Variants in PLEKHG6 observed in about 807,000 individuals in gnomAD.
The protein encoded by PLEKHG6 is pleckstrin homology and RhoGEF domain containing G6.
Under a neutral mutation model 97.5 loss-of-function variants are expected in PLEKHG6, and 91 were observed. The observed-to-expected ratio is 0.93, with a 90% CI of 0.79 to 1.11. The LOEUF (loss-of-function observed/expected upper bound fraction) is 1.11, where lower values mean the gene tolerates loss of function less well. PLEKHG6 is among the 50% of genes most tolerant of loss of function. The pLI, the probability that PLEKHG6 is intolerant of heterozygous loss-of-function variation, is 0.00. For missense variants in PLEKHG6, 1,044 were observed against 1,031.0 expected, an observed-to-expected ratio of 1.01 and a Z score of -0.17; for synonymous variants, 466 against 425.5, an observed-to-expected ratio of 1.10 and a Z score of -1.17.
rs748474677 is a variant in PLEKHG6, at chr12:6,316,412, C to T, written c.756+8C>T. ...CAAAGTGGCTTCCTGACGGTGAGGC[C>T]TGTGAAGGGCTGTGTCTGGATGGGG... is the stretch of plus-strand genomic sequence containing the variant. On this transcript the variant is annotated splice_region_variant and intron_variant, in intron 7 of 15. Transcript: ENST00000684764. The surrounding 1 kb of genome is among the most constrained non-coding windows in gnomAD (Gnocchi z 4.1). 2.3e-5 allele frequency: 36 copies of T among 1,563,062 alleles called. No individual in the cohort carries two copies. The highest frequency in any genetic ancestry group is 3.0e-5 in the Non-Finnish European group (35 of 1,153,008).
intron 11 of PLEKHG6, 126 bp from the exon 12 acceptor site, chr12:6,318,619 A>T: frequency 8.2e-7 from 1 of 1,218,952 alleles, no homozygotes; most frequent in South Asian, 1.4e-5. Context: ...GCCCCTGGCC[A>T]CTCCCGCATT....
Position 6,327,479 on chromosome 12 carries a change from T to TGGCCCCCCCCCCCCCC in PLEKHG6, c.1896_1897insGGCCCCCCCCCCCCCC (p.Pro633GlyfsTer42). The TGGCCCCCCCCCCCCCC allele has an allele frequency of 1.2e-6, 2 of 1,603,264 alleles. No homozygotes were observed. The highest frequency in any genetic ancestry group is 1.7e-6 in the Non-Finnish European group (2 of 1,171,714). Reference sequence around the variant, plus strand: ...TGGAACTCCGGGACATCCCTCTGCGTCCCCACCCTCCCGACCCCCAAGCTC... The same window carrying TGGCCCCCCCCCCCCCC: ...TGGAACTCCGGGACATCCCTCTGCGTGGCCCCCCCCCCCCCCCCCCACCCTCCCGACCCCCAAGCTC... On this transcript the variant is annotated frameshift_variant, in exon 15 of 16. Transcript: ENST00000684764. LOFTEE classifies it high-confidence loss of function.
In PLEKHG6 at chr12:6,319,077, C is replaced by T. The variant is rs61753335; in HGVS notation, c.1493C>T (p.Ala498Val). Residue 498 changes from alanine to valine, a missense_variant, in exon 13 of 16, where the codon GCC becomes GTC. Physicochemically the swap from Ala to Val is moderately conservative, Grantham distance 64 (BLOSUM62 0). Transcript: ENST00000684764. ...CACTGTCCCAGTCCTACAGACCGTGCCCAGTGGCTGGAGAAGACCCAGCAG... is the reference window on the plus strand; with the variant it reads ...CACTGTCCCAGTCCTACAGACCGTGTCCAGTGGCTGGAGAAGACCCAGCAG... ...LVHCPSPTDR[A>V]QWLEKTQQAQ... 34 of 1,608,820 alleles carry T rather than the reference C, an allele frequency of 2.1e-5. No individual in the cohort carries two copies. Among genetic ancestry groups the T allele is most frequent in the Non-Finnish European group, 2.8e-5 (33 of 1,175,952 alleles).
rs768638784 is a variant in PLEKHG6 at position 6,312,253 on chromosome 12, G to T, written c.27G>T (p.Glu9Asp). 6.5e-7 allele frequency: 1 copy of T among 1,536,208 alleles called. No homozygotes were observed. The highest frequency in any genetic ancestry group is 8.7e-7 in the Non-Finnish European group (1 of 1,148,624). MKAFGPPH[E>D]GPLQGLVASR... is the part of the protein sequence containing the mutation. ...TGAAGGCCTTTGGTCCTCCACATGAGGGCCCCCTCCAAGGACTCGTGGCCT... is the reference window on the plus strand; with the variant it reads ...TGAAGGCCTTTGGTCCTCCACATGATGGCCCCCTCCAAGGACTCGTGGCCT... The change falls in exon 2 of 16, where the codon GAG becomes GAT. Residue 9 changes from glutamate (E) to aspartate (D), a missense_variant. Glu to Asp is a conservative substitution (Grantham distance 45). Coordinates refer to ENST00000684764, the MANE Select transcript of PLEKHG6 (RefSeq NM_001384598.1).
Position 6,315,661 on chromosome 12 carries a change from T to C in PLEKHG6, c.555+12T>C. ...AGATCATGACTGATGTGAGCCCCCC[T>C]CAGCCCCAGCCCCGGCCCCATCTTC... On this transcript the variant is annotated intron_variant, in intron 5 of 15. Transcript: ENST00000684764. The surrounding 1 kb of genome is among the most constrained non-coding windows in gnomAD (Gnocchi z 4.5). The C allele has an allele frequency of 6.5e-7, 1 of 1,536,214 alleles. No homozygotes were observed. Among genetic ancestry groups the C allele is most frequent in the Non-Finnish European group, 8.9e-7 (1 of 1,119,028 alleles).
intron 11 of PLEKHG6, 117 bp from the exon 12 acceptor site, chr12:6,318,628 T>G: frequency 7.9e-7 from 1 of 1,268,222 alleles, no homozygotes; most frequent in Non-Finnish European, 1.1e-6. Context: ...CACTCCCGCA[T>G]TTGGGCTCTG....
At chr12:6,312,619 C>T (rs1947313704) in intron 2 of PLEKHG6, 2 of 1,295,234 alleles carry the variant, frequency 1.5e-6, no homozygotes, top group Admixed American at 4.0e-5. Flanking sequence ...TGCTGTTAGA[C>T]AGGTCTCAGA....
Position 6,313,626 on chromosome 12 carries a change from C to T in PLEKHG6, c.139-3C>T. On this transcript the variant is annotated splice_polypyrimidine_tract_variant and splice_region_variant and intron_variant, in intron 2 of 15. Coordinates refer to ENST00000684764, the MANE Select transcript of PLEKHG6 (RefSeq NM_001384598.1). Reference sequence around the variant, plus strand: ...CCCAGAACTTCCCCTGCTCCTCTCCCAGGATCCCAGTCGCCGACGCCTCCA... The same window carrying T: ...CCCAGAACTTCCCCTGCTCCTCTCCTAGGATCCCAGTCGCCGACGCCTCCA... The T allele has an allele frequency of 1.2e-6, 2 of 1,614,016 alleles. No individual in the cohort carries two copies. Among genetic ancestry groups the T allele is most frequent in the Non-Finnish European group, 1.7e-6 (2 of 1,180,002 alleles).
intron 2 of PLEKHG6, chr12:6,312,818 C>T (rs1367261433): frequency 4.0e-6 from 5 of 1,241,528 alleles, no homozygotes; most frequent in Admixed American, 3.5e-5. Context: ...TGCCTTGGCT[C>T]CACCCCTGGC....
Position 6,327,321 on chromosome 12 carries a change from C to A in PLEKHG6, c.1738C>A (p.Leu580Ile). Reference protein sequence around the residue: ...VTEDTDEDAPLVPDDTSDSGY... With the variant: ...VTEDTDEDAPIVPDDTSDSGY... ...AGAAGACACAGATGAAGATGCTCCC[C>A]TTGTGCCAGATGATACCTCAGACTC... Residue 580 changes from leucine to isoleucine, a missense_variant, in exon 15 of 16, where the codon CTT (leucine) becomes ATT (isoleucine). Coordinates refer to ENST00000684764, the MANE Select transcript of PLEKHG6 (RefSeq NM_001384598.1). The A allele has an allele frequency of 1.9e-6, 3 of 1,614,002 alleles. 1 individual carries two copies. The highest frequency in any genetic ancestry group is 2.2e-5 in the South Asian group (2 of 91,072).
Position 6,317,692 on chromosome 12 carries a change from C to T in PLEKHG6, c.1013C>T (p.Ala338Val), listed in dbSNP as rs752715534. The T allele has an allele frequency of 6.2e-7, 1 of 1,613,058 alleles. No homozygotes were observed. The highest frequency in any genetic ancestry group is 8.5e-7 in the Non-Finnish European group (1 of 1,179,892). The part of the protein sequence containing the change: ...PEARAQEALN[A>V]MIEAVESFLR... ...GCACGAGCCCAAGAGGCCCTGAATG[C>T]CATGGTAGGTGCCCCAGTGGGGCTG... Residue 338 changes from alanine to valine, a missense_variant, in exon 9 of 16, where the codon GCC becomes GTC. By Grantham distance (64) the Ala-to-Val change is moderately conservative (BLOSUM62 0). Coordinates refer to ENST00000684764, the MANE Select transcript of PLEKHG6 (RefSeq NM_001384598.1).
rs1268548524 is a variant in PLEKHG6 at position 6,327,475 on chromosome 12, TG to T, written c.1893del (p.Arg632ValfsTer23). ...ACCCTGGAACTCCGGGACATCCCTCTGCGTCCCCACCCTCCCGACCCCCAAG... is the reference window on the plus strand; with the variant it reads ...ACCCTGGAACTCCGGGACATCCCTCTCGTCCCCACCCTCCCGACCCCCAAG... The part of the protein sequence containing the change: ...FSTLELRDIP[L>X]RPHPPDPQAP... On this transcript the variant is annotated frameshift_variant, in exon 15 of 16. Transcript: ENST00000684764. LOFTEE classifies it high-confidence loss of function. 1 of 1,611,494 alleles carries T rather than the reference TG, an allele frequency of 6.2e-7. No homozygotes were observed. The highest frequency in any genetic ancestry group is 8.5e-7 in the Non-Finnish European group (1 of 1,178,188).
rs1414401264 is a variant in PLEKHG6, at chr12:6,327,599, T to C, written c.2016T>C (p.Asp672=). 1 of 1,585,940 alleles carries C rather than the reference T, an allele frequency of 6.3e-7. No individual in the cohort carries two copies. The change falls in exon 15 of 16, where the codon GAT becomes GAC. Residue 672 remains aspartate (D), a synonymous_variant. Coordinates refer to ENST00000684764, the MANE Select transcript of PLEKHG6 (RefSeq NM_001384598.1). ...EDPPTWSEEE[D]GASERGNVVV... is the part of the protein sequence containing the mutation. The stretch of plus-strand genomic sequence containing the variant: ...CACCAACCTGGTCTGAGGAAGAAGA[T>C]GGGGCCTCCGAGCGAGGGAATGTGG...
chr12:6,315,518 C>T lies in PLEKHG6; in HGVS notation c.460-36C>T. 7.6e-7 allele frequency: 1 copy of T among 1,316,390 alleles called. No homozygotes were observed. The highest frequency in any genetic ancestry group is 1.1e-6 in the Non-Finnish European group (1 of 946,778). 81.5% of individuals were successfully genotyped at this position (1,316,390 alleles called of 1,614,324 possible). ...AGCTGGTACTTGCCATTCTAATTAT[C>T]ATTCCCCAACTGAACCAGCATTCTC... On this transcript the variant is annotated intron_variant, in intron 4 of 15. Coordinates refer to ENST00000684764, the MANE Select transcript of PLEKHG6 (RefSeq NM_001384598.1). This position sits in a 1 kb window ranked among gnomAD's most constrained non-coding sequence, Gnocchi z 4.5.
At position 6,327,721 on chromosome 12, in the gene PLEKHG6, G is replaced by C; in HGVS notation, c.2138G>C (p.Gly713Ala). ...SAGESPWESS[G>A]EEEEEGPLFL... ...GGGGAAAGCCCCTGGGAGTCCTCAG[G>C]GGAGGAGGAAGAAGAGGGGCCTCTG... The change falls in exon 15 of 16, where the codon GGG becomes GCG. Residue 713 changes from glycine to alanine, a missense_variant. Transcript: ENST00000684764. 1 of 1,556,998 alleles carries C rather than the reference G, an allele frequency of 6.4e-7. No individual in the cohort carries two copies. Among genetic ancestry groups the C allele is most frequent in the Non-Finnish European group, 8.7e-7 (1 of 1,154,464 alleles).
Position 6,316,200 on chromosome 12 carries a change from G to A in PLEKHG6, c.607-55G>A. 1 of 1,483,466 alleles carries A rather than the reference G, an allele frequency of 6.7e-7. No homozygotes were observed. Among genetic ancestry groups the A allele is most frequent in the Non-Finnish European group, 9.0e-7 (1 of 1,108,070 alleles). 91.9% of individuals were successfully genotyped at this position (1,483,466 alleles called of 1,614,324 possible). On this transcript the variant is annotated intron_variant, in intron 6 of 15. Transcript: ENST00000684764. This position sits in a 1 kb window ranked among gnomAD's most constrained non-coding sequence, Gnocchi z 4.1. Reference sequence around the variant, plus strand: ...AGGTCCTCACCTTTCCTCAGCCAGTGCCACCCCTGGGGACCTTCCAAAAGT... The same window carrying A: ...AGGTCCTCACCTTTCCTCAGCCAGTACCACCCCTGGGGACCTTCCAAAAGT...
At chr12:6,323,751 C>T (rs1947774940) in intron 13 of PLEKHG6, among the ~76,000 whole-genome samples, 1 of 152,210 alleles carries the variant, frequency 6.6e-6, no homozygotes, top group African/African-American at 2.4e-5. Context: ...GCACGCAGGA[C>T]AGACAGTCCG....
chr12:6,318,077 C>CG, intron 10 of PLEKHG6, 83 bp downstream of exon 10: 3 of 1,465,968 alleles, frequency 2.0e-6, no homozygotes, highest in Non-Finnish European at 2.8e-6. Context: ...GCCAGAACAC[C>CG]CCGTACTTGG....
At chr12:6,313,887 G>A in intron 3 of PLEKHG6, 103 bp downstream of exon 3, 1 of 1,107,602 alleles carries the variant, frequency 9.0e-7, no homozygotes. Context: ...AGGTCCAGGA[G>A]GCTGCTGCCT....
Sources: gnomAD v4.1 joint callset for allele counts (sites outside exome capture counted in the v4.1 genomes callset) on GRCh38, gnomAD v4.1.1 for gene constraint, Gnocchi (gnomAD v3.1) non-coding constraint, MANE v1.5 for transcripts, NCBI Gene and HGNC (gene_info 2026-07-23, HGNC 2026-07-21) for gene names.